XKR6: variants seen among roughly 807,000 people sequenced by gnomAD.
XKR6 encodes the protein XK related 6.
Under a neutral mutation model 56.7 loss-of-function variants are expected in XKR6, and 22 were observed. The observed-to-expected ratio is 0.39, with a 90% CI of 0.28 to 0.55. The LOEUF (loss-of-function observed/expected upper bound fraction) is 0.55, where lower values mean the gene tolerates loss of function less well. Among genes scored for constraint, XKR6 ranks in the 20% least tolerant of loss-of-function variants. The pLI is 0.66. For synonymous variants in XKR6, 524 were observed against 387.8 expected (o/e 1.35, Z -4.13); for missense variants, 852 against 889.0 (o/e 0.96, Z 0.53).
rs151255540 is a variant in XKR6, at chr8:10,898,246, G to T, written c.1632C>A (p.Thr544=). 6.2e-7 allele frequency: 1 copy of T among 1,614,140 alleles called. No homozygotes were observed. Among genetic ancestry groups the T allele is most frequent in the Non-Finnish European group, 8.5e-7 (1 of 1,180,020 alleles). ...CCTCCTGTTGTTCCGTTACGGCTCTGGTGGGCGTAACCTGGGTCCCCCGGT... is the reference window on the plus strand; with the variant it reads ...CCTCCTGTTGTTCCGTTACGGCTCTTGTGGGCGTAACCTGGGTCCCCCGGT... The part of the protein sequence containing the change: ...PGYRGTQVTP[T]RAVTEQQEDL... Residue 544 remains threonine (T), a synonymous_variant, in exon 3 of 3, where the codon ACC becomes ACA. Coordinates refer to ENST00000416569, the MANE Select transcript of XKR6 (RefSeq NM_173683.4). This position sits in a 1 kb window ranked among gnomAD's most constrained non-coding sequence, Gnocchi z 6.6.
intron 1 of XKR6, among the ~76,000 whole-genome samples, chr8:11,095,420 G>C (rs1223895242): frequency 1.3e-5 from 2 of 152,224 alleles, no homozygotes; most frequent in African/African-American, 4.8e-5. Flanking sequence ...ATGAGAATCA[G>C]CATGGAAGTC....
At chr8:11,162,880 G>C (rs189762120) in intron 1 of XKR6, among the ~76,000 whole-genome samples, 1 of 152,158 alleles carries the variant, frequency 6.6e-6, no homozygotes, top group Non-Finnish European at 1.5e-5. Flanking sequence ...ATAGCTACAA[G>C]GTAAGAGTGT....
intron 1 of XKR6, among the ~76,000 whole-genome samples, chr8:11,185,485 G>A (rs1196794187): frequency 6.6e-6 from 1 of 152,132 alleles, no homozygotes; most frequent in Non-Finnish European, 1.5e-5. Context: ...ACTGTATGGG[G>A]TTTTAGAGTA....
At chr8:11,192,577 T>C (rs1563208932) in intron 1 of XKR6, among the ~76,000 whole-genome samples, 1 of 152,062 alleles carries the variant, frequency 6.6e-6, no homozygotes, top group Admixed American at 6.6e-5. Context: ...CTCACGCCAC[T>C]GCACTCCAGC....
At chr8:11,073,329 G>A (rs943325700) in intron 1 of XKR6, among the ~76,000 whole-genome samples, 2 of 152,100 alleles carry the variant, frequency 1.3e-5, no homozygotes, top group African/African-American at 4.8e-5. Context: ...TATGTGCTAG[G>A]AACTACATTG....
chr8:11,096,272 G>A (rs7835175), intron 1 of XKR6, among the ~76,000 whole-genome samples: 34 of 152,170 alleles, frequency 2.2e-4, no homozygotes, highest in African/African-American at 7.7e-4. Flanking sequence ...AAGTTCATCA[G>A]TAACAGATGC....
intron 1 of XKR6, among the ~76,000 whole-genome samples, chr8:11,103,375 C>T (rs1275930163): frequency 2.6e-5 from 4 of 152,178 alleles, no homozygotes; most frequent in African/African-American, 4.8e-5. Context: ...CAGCCAGAGA[C>T]CAGCTGAATC....
At chr8:11,157,976 A>C (rs568836778) in intron 1 of XKR6, among the ~76,000 whole-genome samples, 13 of 152,316 alleles carry the variant, frequency 8.5e-5, no homozygotes, top group Non-Finnish European at 1.8e-4. Context: ...CAAAGCAAAA[A>C]TCTGTTGAGT....
At chr8:11,030,915 C>T (rs6601550) in intron 1 of XKR6, among the ~76,000 whole-genome samples, 61,597 of 152,130 alleles carry the variant, frequency 0.4, 17,271 homozygotes, top group African/African-American at 0.8. Context: ...GTTACAACTG[C>T]CCTATGAAGT....
chr8:10,980,386 T>A (rs919952201), intron 1 of XKR6, among the ~76,000 whole-genome samples: 2 of 152,184 alleles, frequency 1.3e-5, no homozygotes, highest in Admixed American at 1.3e-4. Context: ...CAGGGAGCTA[T>A]CAACAGATAT....
chr8:10,904,821 G>A (rs1279658002), intron 2 of XKR6, among the ~76,000 whole-genome samples: 1 of 152,204 alleles, frequency 6.6e-6, no homozygotes, highest in Non-Finnish European at 1.5e-5. Flanking sequence ...GTCACCAACT[G>A]CCCCTGAGCC....
intron 2 of XKR6, among the ~76,000 whole-genome samples, chr8:10,908,819 C>G (rs1407927274): frequency 6.6e-6 from 1 of 152,170 alleles, no homozygotes; most frequent in Non-Finnish European, 1.5e-5. Context: ...TGGATTGGTG[C>G]AGTTAACACA....
chr8:10,985,665 C>T (rs1797846220), intron 1 of XKR6, among the ~76,000 whole-genome samples: 1 of 150,904 alleles, frequency 6.6e-6, no homozygotes, highest in Admixed American at 6.6e-5. Flanking sequence ...AACAAAAAAA[C>T]CTCTCATAAA....
chr8:11,193,008 G>A lies in XKR6; in HGVS notation c.764+7568C>T, dbSNP rs114543459. On this transcript the variant is annotated intron_variant, in intron 1 of 2. Transcript: ENST00000416569. Reference sequence around the variant, plus strand: ...TTGTCCTGTCTATTTAAGACGGAAAGAAAAGGAAGCATCATGGTGATATGA... The same window carrying A: ...TTGTCCTGTCTATTTAAGACGGAAAAAAAAGGAAGCATCATGGTGATATGA... Among the ~76,000 whole-genome samples the A allele has an allele frequency of 9.4e-3, 1,437 of 152,306 alleles. 28 individuals carry two copies. The highest frequency in any genetic ancestry group is 0.033 in the African/African-American group (1,364 of 41,574).
At chr8:11,193,047 C>G (rs1408571345) in intron 1 of XKR6, among the ~76,000 whole-genome samples, 1 of 152,196 alleles carries the variant, frequency 6.6e-6, no homozygotes, top group East Asian at 1.9e-4. Flanking sequence ...TTTTAGCTCA[C>G]CTACCCATGA....
chr8:11,059,385 C>G (rs1450782558), intron 1 of XKR6, among the ~76,000 whole-genome samples: 4 of 152,234 alleles, frequency 2.6e-5, no homozygotes, highest in Non-Finnish European at 5.9e-5. Flanking sequence ...CCCCAGCGAA[C>G]TGGAGCCGGG....
At chr8:10,978,201 T>C (rs1802624487) in intron 1 of XKR6, among the ~76,000 whole-genome samples, 2 of 152,186 alleles carry the variant, frequency 1.3e-5, no homozygotes, top group African/African-American at 4.8e-5. Flanking sequence ...TCAGAACAGA[T>C]TCATAGCAGA....
chr8:11,078,787 C>T (rs558472609), intron 1 of XKR6, among the ~76,000 whole-genome samples: 25 of 152,166 alleles, frequency 1.6e-4, no homozygotes, highest in Non-Finnish European at 3.1e-4. Context: ...GTGACGCCAA[C>T]CCATCCAGCC....
intron 1 of XKR6, among the ~76,000 whole-genome samples, chr8:10,998,301 CT>C (rs1456563352): frequency 2.6e-5 from 4 of 151,908 alleles, no homozygotes; most frequent in African/African-American, 9.7e-5. Context: ...ACACACACAC[CT>C]CTTAGTTGTC....
Sources: gnomAD v4.1 joint callset for allele counts (sites outside exome capture counted in the v4.1 genomes callset) on GRCh38, gnomAD v4.1.1 for gene constraint, Gnocchi (gnomAD v3.1) non-coding constraint, MANE v1.5 for transcripts, NCBI Gene and HGNC (gene_info 2026-07-23, HGNC 2026-07-21) for gene names.